Variants in ZMYM4 observed in about 807,000 individuals in gnomAD.
ZMYM4 encodes zinc finger MYM-type containing 4.
ZMYM4 carries 31 observed loss-of-function variants against 183.2 expected under a neutral mutation model. The ratio of observed to expected loss-of-function variants is 0.17; its 90% CI spans 0.13 to 0.23. ZMYM4 has a LOEUF of 0.23. ZMYM4 is among the 10% of genes least tolerant of loss of function. ZMYM4 has a pLI of 1.00. For synonymous variants in ZMYM4, 592 were observed against 631.2 expected (o/e 0.94, Z 0.93); for missense variants, 1,273 against 1,840.3 (o/e 0.69, Z 5.64).
intron 1 of ZMYM4, among the ~76,000 whole-genome samples, chr1:35,269,376 C>T (rs1639479860): frequency 6.7e-6 from 1 of 149,790 alleles, no homozygotes; most frequent in Non-Finnish European, 1.5e-5. Flanking sequence ...GGGGAGGTGT[C>T]AGATTCTTAA....
At chr1:35,279,469 A>G (rs188951114) in intron 1 of ZMYM4, among the ~76,000 whole-genome samples, 104 of 152,266 alleles carry the variant, frequency 6.8e-4, no homozygotes, top group African/African-American at 2.5e-3. Flanking sequence ...TAGTATCTTC[A>G]GCATATGGTT....
intron 1 of ZMYM4, among the ~76,000 whole-genome samples, chr1:35,277,315 A>G (rs148258813): frequency 2.9e-4 from 44 of 152,356 alleles, no homozygotes; most frequent in African/African-American, 1.0e-3. Flanking sequence ...TTTGGCAAGA[A>G]ATATTTATAA....
At chr1:35,293,951 C>A (rs1337515261) in intron 1 of ZMYM4, among the ~76,000 whole-genome samples, 2 of 152,048 alleles carry the variant, frequency 1.3e-5, no homozygotes, top group Non-Finnish European at 2.9e-5. Context: ...CTGGCTAATA[C>A]AGTGAAACCC....
intron 23 of ZMYM4, among the ~76,000 whole-genome samples, chr1:35,402,693 T>G (rs1644932067): frequency 6.6e-6 from 1 of 152,210 alleles, no homozygotes; most frequent in Non-Finnish European, 1.5e-5. Flanking sequence ...TTTTCTTCTA[T>G]GATATTTATC....
At chr1:35,310,731 A>G (rs577766032) in intron 1 of ZMYM4, among the ~76,000 whole-genome samples, 15 of 152,202 alleles carry the variant, frequency 9.9e-5, no homozygotes, top group South Asian at 2.1e-4. Flanking sequence ...GGCATGCACC[A>G]TCACACGCAG....
chr1:35,278,823 G>A (rs917817799), intron 1 of ZMYM4, among the ~76,000 whole-genome samples: 3 of 152,098 alleles, frequency 2.0e-5, no homozygotes, highest in Non-Finnish European at 2.9e-5. Context: ...GTATGGACTC[G>A]GCATGATTCA....
intron 23 of ZMYM4, among the ~76,000 whole-genome samples, chr1:35,403,701 TTTGTATAATTTCTTTAACTATGATAGAA>T (rs2149021594): frequency 7.2e-6 from 1 of 138,074 alleles, no homozygotes; most frequent in Admixed American, 7.6e-5. Flanking sequence ...TTTTCTTCTA[TTTGTATAATTTCTTTAACTATGATAGAA>T]TTTGTATAAT....
chr1:35,315,937 A>G (rs2148796721), intron 1 of ZMYM4, among the ~76,000 whole-genome samples: 1 of 152,292 alleles, frequency 6.6e-6, no homozygotes. Flanking sequence ...GGGAAAAAAA[A>G]AATTATTATT....
intron 2 of ZMYM4, among the ~76,000 whole-genome samples, chr1:35,345,366 CTTAGT>C (rs1051219395): frequency 2.6e-5 from 4 of 151,852 alleles, no homozygotes; most frequent in African/African-American, 9.7e-5. Flanking sequence ...ATAATATTTT[CTTAGT>C]TTATTTTTAA....
chr1:35,376,913 C>T (rs1165027830), intron 7 of ZMYM4, among the ~76,000 whole-genome samples: 32 of 151,944 alleles, frequency 2.1e-4, no homozygotes, highest in Admixed American at 2.0e-3. Flanking sequence ...TAAGTACATA[C>T]GTCTCTTTTT....
At chr1:35,349,488 T>A (rs1643517340) in intron 2 of ZMYM4, among the ~76,000 whole-genome samples, 1 of 152,168 alleles carries the variant, frequency 6.6e-6, no homozygotes, top group Admixed American at 6.5e-5. Flanking sequence ...TTTAGGAAAT[T>A]ATATTTTATT....
Position 35,405,486 on chromosome 1 carries a change from C to A in ZMYM4, c.3796+18C>A. ...CTGTAGAGGTAAAATTTGTTTCTCT[C>A]CATTTGGTATGAATTATTTATATTA... On this transcript the variant is annotated intron_variant, in intron 25 of 29. Coordinates refer to ENST00000314607, the MANE Select transcript of ZMYM4 (RefSeq NM_005095.3). The A allele has an allele frequency of 6.5e-7, 1 of 1,545,772 alleles. No individual in the cohort carries two copies. The highest frequency in any genetic ancestry group is 8.8e-7 in the Non-Finnish European group (1 of 1,138,976).
chr1:35,398,988 G>A lies in ZMYM4; in HGVS notation c.3378G>A (p.Leu1126=), dbSNP rs1351596437. 9 of 1,614,014 alleles carry A rather than the reference G, an allele frequency of 5.6e-6. No homozygotes were observed. Among genetic ancestry groups the A allele is most frequent in the Non-Finnish European group, 7.6e-6 (9 of 1,180,018 alleles). Residue 1126 remains leucine, a synonymous_variant, in exon 22 of 30, where the codon TTG becomes TTA. Coordinates refer to ENST00000314607, the MANE Select transcript of ZMYM4 (RefSeq NM_005095.3). ...CTGTGCAAGAGGCTGATTCAGAATT[G>A]AAGCAGTTCTCAAAAGGGGAAACTG... ...SNAVQEADSE[L]KQFSKGETEQ...
chr1:35,371,107 GCGCA>G (rs1342639517), intron 7 of ZMYM4, among the ~76,000 whole-genome samples: 10 of 43,378 alleles, frequency 2.3e-4, no homozygotes, highest in Admixed American at 1.1e-3. Context: ...GTGTGTGTGT[GCGCA>G]CATTTATTTA....
intron 27 of ZMYM4, among the ~76,000 whole-genome samples, chr1:35,415,254 G>A (rs1384182516): frequency 2.6e-5 from 4 of 152,014 alleles, no homozygotes; most frequent in Non-Finnish European, 4.4e-5. Flanking sequence ...AGATTAAAAC[G>A]GTTTCAGGAG....
At chr1:35,387,393 TAAG>T (rs1644600677) in intron 12 of ZMYM4, 58 bp from the exon 13 acceptor site, 3 of 1,569,748 alleles carry the variant, frequency 1.9e-6, no homozygotes. Context: ...GTAAGGGAGA[TAAG>T]GAGTTCCATA....
At chr1:35,274,160 G>T (rs1367918931) in intron 1 of ZMYM4, among the ~76,000 whole-genome samples, 1 of 151,862 alleles carries the variant, frequency 6.6e-6, no homozygotes, top group Non-Finnish European at 1.5e-5. Flanking sequence ...TACAATATTT[G>T]CGGTTTATAT....
intron 2 of ZMYM4, among the ~76,000 whole-genome samples, chr1:35,337,592 CT>C (rs1643027045): frequency 6.6e-6 from 1 of 152,106 alleles, no homozygotes; most frequent in Non-Finnish European, 1.5e-5. Flanking sequence ...ACATTTTAGA[CT>C]TTGTAGGTCA....
At chr1:35,387,846 A>AT (rs368277843) in intron 13 of ZMYM4, among the ~76,000 whole-genome samples, 20 of 152,366 alleles carry the variant, frequency 1.3e-4, no homozygotes, top group African/African-American at 4.3e-4. Context: ...TGTGAAAAAC[A>AT]TTTAACATCC....
Sources: gnomAD v4.1 joint callset for allele counts (sites outside exome capture counted in the v4.1 genomes callset) on GRCh38, gnomAD v4.1.1 for gene constraint, MANE v1.5 for transcripts, NCBI Gene and HGNC (gene_info 2026-07-23, HGNC 2026-07-21) for gene names.